The following ART4 variants were observed in gnomAD, a reference collection of about 807,000 sequenced individuals.
ART4 encodes the protein ADP-ribosyltransferase 4 (inactive) (Dombrock blood group), also known as ecto-ADP-ribosyltransferase 4.
A neutral mutation model predicts 24.2 loss-of-function variants in ART4; 14 were observed. The observed-to-expected ratio is 0.58, with a 90% CI of 0.38 to 0.90. The LOEUF is 0.90. Among genes scored for constraint, ART4 ranks in the 40% least tolerant of loss-of-function variants. The pLI is 0.00. For synonymous variants in ART4, 145 were observed against 139.9 expected, an observed-to-expected ratio of 1.04 and a Z score of -0.26; for missense variants, 356 against 366.6, an observed-to-expected ratio of 0.97 and a Z score of 0.24.
intron 2 of ART4, among the ~76,000 whole-genome samples, chr12:14,831,208 C>T (rs1296640340): frequency 6.6e-6 from 1 of 151,686 alleles, no homozygotes; most frequent in East Asian, 1.9e-4. Context: ...ACTTACTCTT[C>T]ATTTTGCTCT....
chr12:14,839,105 A>G (rs1001922303), intron 2 of ART4, among the ~76,000 whole-genome samples: 3 of 152,070 alleles, frequency 2.0e-5, no homozygotes, highest in African/African-American at 4.8e-5. Context: ...TAAGATGTTG[A>G]CCAAATTGAT....
chr12:14,826,768 A>G lies in ART4; in HGVS notation c.*2603T>C, dbSNP rs1454605366. ...CGCTTCTATTTTCTGCTTTCCTCTA[A>G]GTAAAACATCATCTCTGATAGAAAG... On this transcript the variant is annotated 3_prime_UTR_variant, in exon 3 of 3. Transcript: ENST00000228936. 1 of 152,196 alleles carries G rather than the reference A, an allele frequency of 6.6e-6. No individual in the cohort carries two copies. The highest frequency in any genetic ancestry group is 1.5e-5 in the Non-Finnish European group (1 of 68,048). The allele number at this position is 152,196 out of a possible 1,614,324, so 9.4% of individuals were successfully genotyped here. A position where few individuals can be genotyped will look rare whatever the true frequency, so the allele number is the denominator to read the frequency against.
At position 14,826,548 on chromosome 12, in the gene ART4, A is replaced by G. The variant is rs959684224; in HGVS notation, c.*2823T>C. On this transcript the variant is annotated 3_prime_UTR_variant, in exon 3 of 3. Transcript: ENST00000228936. ...AAGGATGCTATTGCTGCTTGTGCCTAGAGAGTCAACGCTTTAGGAGAATTG... is the reference window on the plus strand; with the variant it reads ...AAGGATGCTATTGCTGCTTGTGCCTGGAGAGTCAACGCTTTAGGAGAATTG... 2 of 152,156 alleles carry G rather than the reference A, an allele frequency of 1.3e-5. No individual in the cohort carries two copies. The highest frequency in any genetic ancestry group is 2.9e-5 in the Non-Finnish European group (2 of 68,032). The allele number at this position is 152,156 out of a possible 1,614,324, so 9.4% of individuals were successfully genotyped here.
intron 2 of ART4, among the ~76,000 whole-genome samples, chr12:14,832,680 A>C (rs190066597): frequency 8.5e-5 from 13 of 152,344 alleles, no homozygotes; most frequent in Admixed American, 8.5e-4. Context: ...TGAATGAATG[A>C]ATAATAGCTG....
At chr12:14,840,381 A>G in intron 2 of ART4, 64 bp downstream of exon 2, 1 of 1,400,054 alleles carries the variant, frequency 7.1e-7, no homozygotes, top group Non-Finnish European at 9.7e-7. Flanking sequence ...ACTGAGAAAA[A>G]ATAACTTTTA....
intron 2 of ART4, 59 bp from the exon 3 acceptor site, chr12:14,829,521 T>G: frequency 8.3e-7 from 1 of 1,205,206 alleles, no homozygotes; most frequent in Non-Finnish European, 1.2e-6. Flanking sequence ...TAAAACTACC[T>G]CATCTATCCA....
rs1950369961 is a variant in ART4 at position 14,828,015 on chromosome 12, T to C, written c.*1356A>G. The C allele has an allele frequency of 6.6e-6, 1 of 152,222 alleles. No individual in the cohort carries two copies. Among genetic ancestry groups the C allele is most frequent in the Non-Finnish European group, 1.5e-5 (1 of 68,042 alleles). 9.4% of individuals were successfully genotyped at this position (152,222 alleles called of 1,614,324 possible). On this transcript the variant is annotated 3_prime_UTR_variant, in exon 3 of 3. Transcript: ENST00000228936. ...AGAGCTAGCCCTCATCTTTACTCCA[T>C]TTAGCCTGATACCAGGGTCTTCAGT...
intron 2 of ART4, among the ~76,000 whole-genome samples, chr12:14,835,242 A>C (rs1215498512): frequency 6.6e-6 from 1 of 152,222 alleles, no homozygotes; most frequent in Non-Finnish European, 1.5e-5. Flanking sequence ...TTTCGTGAGG[A>C]GTTAGATATC....
chr12:14,831,001 C>G (rs1395380869), intron 2 of ART4, among the ~76,000 whole-genome samples: 3 of 151,824 alleles, frequency 2.0e-5, no homozygotes, highest in Non-Finnish European at 4.4e-5. Flanking sequence ...TCCAGTCCCA[C>G]CCTTTCCCAG....
chr12:14,842,295 G>T (rs1177846524), intron 1 of ART4, among the ~76,000 whole-genome samples: 2 of 152,174 alleles, frequency 1.3e-5, no homozygotes, highest in African/African-American at 2.4e-5. Context: ...TGTTAAGGAT[G>T]TTGGAACTGG....
In ART4 at chr12:14,826,272, A is replaced by G. The variant is rs1950359283; in HGVS notation, c.*3099T>C. On this transcript the variant is annotated 3_prime_UTR_variant, in exon 3 of 3. Transcript: ENST00000228936. ...TATCCTTAACCAAACTCATGAATCT[A>G]CATAATTTTAAGAGAATAGTTTCTG... is the stretch of plus-strand genomic sequence containing the variant. 6.6e-6 allele frequency: 1 copy of G among 152,240 alleles called. No homozygotes were observed. Among genetic ancestry groups the G allele is most frequent in the Non-Finnish European group, 1.5e-5 (1 of 68,042 alleles). 9.4% of individuals were successfully genotyped at this position (152,240 alleles called of 1,614,324 possible).
chr12:14,836,352 A>G (rs1950430751), intron 2 of ART4, among the ~76,000 whole-genome samples: 1 of 152,072 alleles, frequency 6.6e-6, no homozygotes, highest in Non-Finnish European at 1.5e-5. Flanking sequence ...TCACTTGAAA[A>G]CAAACACTGC....
At chr12:14,832,213 T>C (rs1950401387) in intron 2 of ART4, among the ~76,000 whole-genome samples, 1 of 152,212 alleles carries the variant, frequency 6.6e-6, no homozygotes, top group Non-Finnish European at 1.5e-5. Context: ...CAAGGTCCTA[T>C]GTGATCGAAT....
chr12:14,829,219 G>A lies in ART4; in HGVS notation c.*152C>T. On this transcript the variant is annotated 3_prime_UTR_variant, in exon 3 of 3. Coordinates refer to ENST00000228936, the MANE Select transcript of ART4 (RefSeq NM_021071.4). ...AAGGGGTACAAGGAAAGGCATAAGA[G>A]AATTAGCAAAGAGGAGGCCATGCAC... The A allele has an allele frequency of 1.9e-6, 1 of 527,392 alleles. No homozygotes were observed. Among genetic ancestry groups the A allele is most frequent in the East Asian group, 3.3e-5 (1 of 30,108 alleles). The allele number at this position is 527,392 out of a possible 1,614,324, so 32.7% of individuals were successfully genotyped here.
intron 2 of ART4, among the ~76,000 whole-genome samples, chr12:14,835,460 G>C (rs576201987): frequency 1.3e-5 from 2 of 152,082 alleles, no homozygotes; most frequent in African/African-American, 4.8e-5. Flanking sequence ...CCAGAATGTT[G>C]GGGTAAGTAC....
intron 2 of ART4, among the ~76,000 whole-genome samples, chr12:14,837,220 CA>C (rs2137302028): frequency 6.6e-6 from 1 of 152,332 alleles, no homozygotes; most frequent in African/African-American, 2.4e-5. Context: ...TACGGTAACT[CA>C]CATTGCAAGT....
Position 14,840,832 on chromosome 12 carries a change from A to C in ART4, c.466T>G (p.Phe156Val). 1 of 1,614,188 alleles carries C rather than the reference A, an allele frequency of 6.2e-7. No individual in the cohort carries two copies. Among genetic ancestry groups the C allele is most frequent in the Non-Finnish European group, 8.5e-7 (1 of 1,180,024 alleles). ...TPQQYERSFHFKYLHYYLTSA... is the reference protein window; with the variant it reads ...TPQQYERSFHVKYLHYYLTSA... ...GTGAGGTAGTAGTGTAAATATTTGAAGTGGAATGAACGTTCATACTGCTGT... is the reference window on the plus strand; with the variant it reads ...GTGAGGTAGTAGTGTAAATATTTGACGTGGAATGAACGTTCATACTGCTGT... Residue 156 changes from phenylalanine (F) to valine (V), a missense_variant, in exon 2 of 3, where the codon TTC becomes GTC. Coordinates refer to ENST00000228936, the MANE Select transcript of ART4 (RefSeq NM_021071.4).
intron 2 of ART4, among the ~76,000 whole-genome samples, chr12:14,837,790 C>T (rs559910469): frequency 9.2e-5 from 14 of 152,294 alleles, no homozygotes; most frequent in African/African-American, 2.4e-4. Flanking sequence ...GCTGGGATTA[C>T]GGGTGTGAGC....
chr12:14,837,032 G>C (rs576417312), intron 2 of ART4, among the ~76,000 whole-genome samples: 5 of 152,002 alleles, frequency 3.3e-5, no homozygotes, highest in African/African-American at 1.2e-4. Flanking sequence ...CTGCAATACC[G>C]AGACAGCAGA....
Sources: allele counts gnomAD v4.1 joint callset (sites outside exome capture counted in the v4.1 genomes callset), GRCh38; gene constraint gnomAD v4.1.1; transcripts MANE v1.5; gene names NCBI Gene and HGNC (gene_info 2026-07-23, HGNC 2026-07-21).